ZSCAN5C: variants seen among roughly 807,000 people sequenced by gnomAD.
ZSCAN5C encodes zinc finger and SCAN domain-containing protein 5C.
In ZSCAN5C, 11 loss-of-function variants were observed where a neutral mutation model predicts 17.3. The observed-to-expected ratio is 0.64, with a 90% CI of 0.40 to 1.06. ZSCAN5C has a LOEUF of 1.06. Ranked by LOEUF, ZSCAN5C falls within the 50% of genes least tolerant of loss-of-function variation. The probability of loss-of-function intolerance (pLI) is 0.00; values close to 1 mark genes in which losing one functional copy is unlikely to be tolerated. For synonymous variants in ZSCAN5C, 229 were observed against 208.4 expected, an observed-to-expected ratio of 1.10 and a Z score of -0.85; for missense variants, 698 against 538.9, an observed-to-expected ratio of 1.30 and a Z score of -2.92.
rs145005962 is a variant in ZSCAN5C, at chr19:56,206,317, T to C, written c.384+20T>C. The C allele has an allele frequency of 0.024, 35,132 of 1,467,880 alleles. 1,997 individuals are homozygous for C. Among genetic ancestry groups the C allele is most frequent in the East Asian group, 0.2 (8,304 of 41,524 alleles). The allele number at this position is 1,467,880 out of a possible 1,614,324, so 90.9% of individuals were successfully genotyped here. A position where few individuals can be genotyped will look rare whatever the true frequency, so the allele number is the denominator to read the frequency against. Reference sequence around the variant, plus strand: ...AAATGGGTGAGTGGGACCCTCGTGATTGGTGCAGGGAAGGGGAGCTGGGAT... The same window carrying C: ...AAATGGGTGAGTGGGACCCTCGTGACTGGTGCAGGGAAGGGGAGCTGGGAT... On this transcript the variant is annotated intron_variant, in intron 2 of 4. Coordinates refer to ENST00000534327, the Ensembl canonical transcript of ZSCAN5C.
At position 56,208,438 on chromosome 19, in the gene ZSCAN5C, C is replaced by T. The variant is rs749418465; in HGVS notation, c.740-11C>T. ...CCTTATTAACTGTGTGTGTGGAATCCCTTCTTCCAGCAGGGGTGGTGGGAG... is the reference window on the plus strand; with the variant it reads ...CCTTATTAACTGTGTGTGTGGAATCTCTTCTTCCAGCAGGGGTGGTGGGAG... On this transcript the variant is annotated splice_polypyrimidine_tract_variant and intron_variant, in intron 4 of 4. Transcript: ENST00000534327. The T allele has an allele frequency of 1.0e-5, 13 of 1,289,528 alleles. No homozygotes were observed. In the East Asian group the frequency reaches 2.3e-4, roughly 23 times the overall value. 79.9% of individuals were successfully genotyped at this position (1,289,528 alleles called of 1,614,324 possible).
chr19:56,208,142 C>A (rs771488978), exon 4 of ZSCAN5C: 5 of 779,592 alleles, frequency 6.4e-6, no homozygotes, highest in African/African-American at 3.4e-5. Flanking sequence ...GGAGGAGAAC[C>A]CAGGACTTAC....
At chr19:56,205,850 G>C (rs147933474) in exon 2 of ZSCAN5C, 1 of 721,908 alleles carries the variant, frequency 1.4e-6, no homozygotes, top group South Asian at 1.7e-5. Flanking sequence ...TATATAGGTC[G>C]CAATTAGACA....
intron 1 of ZSCAN5C, among the ~76,000 whole-genome samples, chr19:56,205,268 T>C (rs1176723402): frequency 6.6e-6 from 1 of 151,900 alleles, no homozygotes; most frequent in Non-Finnish European, 1.5e-5. Flanking sequence ...TAACAAAATA[T>C]CTGTGTAGGA....
downstream of ZSCAN5C, chr19:56,209,236 T>C (rs574810282): frequency 4.6e-6 from 3 of 653,450 alleles, no homozygotes; most frequent in East Asian, 2.7e-5. Context: ...ACCAAGAAAG[T>C]GTGAATGAAG....
chr19:56,208,976 C>G, exon 5 of ZSCAN5C: 2 of 1,613,478 alleles, frequency 1.2e-6, no homozygotes, highest in Non-Finnish European at 1.7e-6. Flanking sequence ...GCAGTTCACC[C>G]AGAAGTCCTA....
chr19:56,208,494 C>G, exon 5 of ZSCAN5C: 3 of 1,529,852 alleles, frequency 2.0e-6, no homozygotes, highest in South Asian at 1.1e-5. Context: ...CAAAAAAGAG[C>G]CTCTGTGGAA....
At chr19:56,202,411 A>G (rs986009535) in intron 1 of ZSCAN5C, 89 bp downstream of exon 1, 1 of 152,022 alleles carries the variant, frequency 6.6e-6, no homozygotes, top group Non-Finnish European at 1.5e-5. Context: ...GGTTGGTTTC[A>G]GAAAGATTTG....
chr19:56,207,831 C>T (rs543396087), intron 3 of ZSCAN5C, among the ~76,000 whole-genome samples: 1 of 151,810 alleles, frequency 6.6e-6, no homozygotes, highest in Non-Finnish European at 1.5e-5. Context: ...GGTTAGGGGC[C>T]TCCACCTAGA....
Position 56,205,833 on chromosome 19 carries a change from G to A in ZSCAN5C, c.-81G>A. 1.6e-6 allele frequency: 1 copy of A among 640,542 alleles called. No homozygotes were observed. Among genetic ancestry groups the A allele is most frequent in the Non-Finnish European group, 2.8e-6 (1 of 361,360 alleles). The allele number at this position is 640,542 out of a possible 1,614,324, so 39.7% of individuals were successfully genotyped here. On this transcript the variant is annotated 5_prime_UTR_variant, in exon 2 of 5. It introduces an in-frame stop codon into an upstream open reading frame of the 5' UTR. Coordinates refer to ENST00000534327, the Ensembl canonical transcript of ZSCAN5C. ...CTATTACTGAGAAAAACCAGGGGTGGCCTGTGTATATAGGTCGCAATTAGA... is the reference window on the plus strand; with the variant it reads ...CTATTACTGAGAAAAACCAGGGGTGACCTGTGTATATAGGTCGCAATTAGA...
chr19:56,204,420 G>A (rs2032900369), intron 1 of ZSCAN5C, among the ~76,000 whole-genome samples: 1 of 151,566 alleles, frequency 6.6e-6, no homozygotes, highest in South Asian at 2.1e-4. Context: ...GCAGGCGTGA[G>A]GGGTGCCTTG....
chr19:56,206,439 G>A (rs1427838562), intron 2 of ZSCAN5C, 142 bp downstream of exon 2: 1 of 1,305,632 alleles, frequency 7.7e-7, no homozygotes, highest in Admixed American at 2.5e-5. Context: ...AGGGACACAT[G>A]GCAGTGTCTG....
At chr19:56,206,347 G>A (rs146501533) in intron 2 of ZSCAN5C, 50 bp downstream of exon 2, 22,426 of 1,377,658 alleles carry the variant, frequency 0.016, 920 homozygotes, top group African/African-American at 0.13. Context: ...TGGGATGGGG[G>A]CTGCATGGTG....
chr19:56,206,379 G>C (rs913951607), intron 2 of ZSCAN5C, 82 bp downstream of exon 2: 2 of 1,437,396 alleles, frequency 1.4e-6, no homozygotes, highest in South Asian at 1.4e-5. Flanking sequence ...GAGAGGACCC[G>C]AGGGGCTGCT....
At position 56,208,792 on chromosome 19, in the gene ZSCAN5C, C is replaced by A; in HGVS notation, c.1083C>A (p.Cys361Ter). 1.3e-6 allele frequency: 2 copies of A among 1,578,792 alleles called. No individual in the cohort carries two copies. The highest frequency in any genetic ancestry group is 8.7e-7 in the Non-Finnish European group (1 of 1,149,932). The change falls in exon 5 of 5, where the codon TGC (cysteine) becomes TGA (stop). Residue 361 changes from cysteine (C) to a stop codon, truncating the protein, a stop_gained. Coordinates refer to ENST00000534327, the Ensembl canonical transcript of ZSCAN5C. LOFTEE classifies it low-confidence loss of function (END_TRUNC). ...TGCTGCCCTTTGCATGTGAGGTGTG[C>A]GGCAAGAGGTTTAAGTATCGCGGCA...
intron 2 of ZSCAN5C, 127 bp from the exon 3 acceptor site, chr19:56,206,932 C>T (rs55695915): frequency 1.7e-6 from 1 of 604,016 alleles, no homozygotes; most frequent in Non-Finnish European, 3.0e-6. Flanking sequence ...AGAGCTGATT[C>T]TGCATCGGGA....
intron 4 of ZSCAN5C, 97 bp from the exon 5 acceptor site, chr19:56,208,352 G>C: frequency 2.4e-6 from 2 of 838,500 alleles, no homozygotes; most frequent in South Asian, 3.3e-5. Context: ...TTAAGGTTGA[G>C]GGGAAGTTGT....
chr19:56,207,182 A>T, exon 3 of ZSCAN5C: 2 of 778,962 alleles, frequency 2.6e-6, no homozygotes, highest in Non-Finnish European at 4.8e-6. Context: ...CTCCTCTGTG[A>T]ACCAGATGTG....
At chr19:56,208,975 C>G (rs2032958961) in exon 5 of ZSCAN5C, 3 of 1,613,430 alleles carry the variant, frequency 1.9e-6, no homozygotes, top group Non-Finnish European at 2.5e-6. Flanking sequence ...AGCAGTTCAC[C>G]CAGAAGTCCT....
Sources: allele counts gnomAD v4.1 joint callset (sites outside exome capture counted in the v4.1 genomes callset), GRCh38; gene constraint gnomAD v4.1.1; transcripts MANE v1.5; gene names NCBI Gene and HGNC (gene_info 2026-07-23, HGNC 2026-07-21).